The following DOCK1 variants were observed in gnomAD, a reference collection of about 807,000 sequenced individuals.
The protein encoded by DOCK1 is dedicator of cytokinesis 1, also known as dedicator of cytokinesis protein 1.
In DOCK1, 138 loss-of-function variants were observed where a neutral mutation model predicts 262.7. That is an observed-to-expected ratio of 0.53 (90% CI 0.46 to 0.61). The LOEUF is 0.61. Ranked by LOEUF, DOCK1 falls within the 20% of genes least tolerant of loss-of-function variation. The pLI is 0.00. For synonymous variants in DOCK1, 866 were observed against 867.4 expected, an observed-to-expected ratio of 1.00 and a Z score of 0.03; for missense variants, 1,908 against 2,370.7, an observed-to-expected ratio of 0.80 and a Z score of 4.05.
chr10:127,249,967 TC>T (rs2059569470), intron 28 of DOCK1, among the ~76,000 whole-genome samples: 1 of 152,244 alleles, frequency 6.6e-6, no homozygotes, highest in South Asian at 2.1e-4. Flanking sequence ...CCTGTTTATA[TC>T]CCATGACTCT....
intron 3 of DOCK1, 28 bp downstream of exon 3, chr10:126,978,016 A>G (rs1348231652): frequency 6.2e-7 from 1 of 1,606,040 alleles, no homozygotes; most frequent in Non-Finnish European, 8.5e-7. Flanking sequence ...AACACAGTGC[A>G]TGTCTCTTCA....
chr10:126,944,130 T>C (rs1228430005), intron 1 of DOCK1, among the ~76,000 whole-genome samples: 3 of 47,580 alleles, frequency 6.3e-5, no homozygotes, highest in Non-Finnish European at 8.2e-5. Flanking sequence ...TTGATGGTGG[T>C]GGGGGTGGGG....
At chr10:126,944,560 C>T (rs1017603699) in intron 1 of DOCK1, among the ~76,000 whole-genome samples, 4 of 151,968 alleles carry the variant, frequency 2.6e-5, no homozygotes, top group South Asian at 2.1e-4. Flanking sequence ...AGAACAACTG[C>T]GCAAAGGACT....
chr10:127,366,266 G>C (rs978417025), intron 33 of DOCK1, among the ~76,000 whole-genome samples: 2 of 152,044 alleles, frequency 1.3e-5, no homozygotes, highest in Non-Finnish European at 2.9e-5. Context: ...AATCCCTCTT[G>C]TATGTTAATC....
chr10:127,051,409 AT>A (rs2044714392), intron 21 of DOCK1, among the ~76,000 whole-genome samples: 1 of 152,152 alleles, frequency 6.6e-6, no homozygotes, highest in African/African-American at 2.4e-5. Flanking sequence ...ACTGCTTCCT[AT>A]TTGAAAGACC....
intron 29 of DOCK1, among the ~76,000 whole-genome samples, chr10:127,297,950 T>C (rs1479158943): frequency 6.6e-6 from 1 of 152,106 alleles, no homozygotes; most frequent in Admixed American, 6.5e-5. Flanking sequence ...ATTTCAAGGT[T>C]TTGTTTATAT....
chr10:127,097,993 C>T (rs778004458), intron 23 of DOCK1, among the ~76,000 whole-genome samples: 16 of 152,314 alleles, frequency 1.1e-4, no homozygotes, highest in Admixed American at 3.9e-4. Flanking sequence ...GGACATCCCA[C>T]GGACTTTGTC....
intron 27 of DOCK1, among the ~76,000 whole-genome samples, chr10:127,230,781 G>GTTTTTTT (rs921572730): frequency 6.6e-6 from 1 of 150,534 alleles, no homozygotes; most frequent in Non-Finnish European, 1.5e-5. Context: ...TTGTTTTTTT[G>GTTTTTTT]TTTTTTTGTT....
chr10:127,227,799 T>C (rs2134515758), intron 27 of DOCK1, among the ~76,000 whole-genome samples: 1 of 152,342 alleles, frequency 6.6e-6, no homozygotes, highest in Non-Finnish European at 1.5e-5. Context: ...CTTCTTTGAC[T>C]TTTGCCCCTT....
intron 29 of DOCK1, among the ~76,000 whole-genome samples, chr10:127,335,164 G>A (rs983494685): frequency 6.6e-6 from 1 of 152,148 alleles, no homozygotes; most frequent in South Asian, 2.1e-4. Context: ...TGGCACTGAG[G>A]ACACTTAGGT....
intron 1 of DOCK1, among the ~76,000 whole-genome samples, chr10:126,928,453 A>G (rs2033935596): frequency 6.6e-6 from 1 of 152,004 alleles, no homozygotes; most frequent in Non-Finnish European, 1.5e-5. Flanking sequence ...TTAATCCAGG[A>G]TGCCTGGTGT....
chr10:127,011,953 A>G (rs1257828531), intron 11 of DOCK1, among the ~76,000 whole-genome samples: 2 of 152,090 alleles, frequency 1.3e-5, no homozygotes, highest in Admixed American at 6.5e-5. Context: ...TTTTAAACAC[A>G]AGAGTCTGAT....
In DOCK1 at chr10:127,249,438, C is replaced by T. The variant is rs922692827; in HGVS notation, c.2949+1329C>T. Among the ~76,000 whole-genome samples the T allele has an allele frequency of 7.2e-3, 525 of 72,720 alleles. 3 individuals carry two copies. The highest frequency in any genetic ancestry group is 0.018 in the African/African-American group (486 of 27,018). 47.7% of individuals were successfully genotyped at this position (72,720 alleles called of 152,430 possible). ...ATACATGTACATATATATATACACA[C>T]ACACACACACACACACACACACACG... On this transcript the variant is annotated intron_variant, in intron 28 of 51. Transcript: ENST00000623213.
At chr10:127,286,577 A>C (rs115805683) in intron 29 of DOCK1, among the ~76,000 whole-genome samples, 1 of 152,294 alleles carries the variant, frequency 6.6e-6, no homozygotes, top group African/African-American at 2.4e-5. Flanking sequence ...ACCATAGCTA[A>C]GTTTCTTAGA....
At chr10:127,346,438 A>G (rs1156895048) in intron 31 of DOCK1, among the ~76,000 whole-genome samples, 1 of 152,148 alleles carries the variant, frequency 6.6e-6, no homozygotes, top group Non-Finnish European at 1.5e-5. Context: ...TCCACAAAAA[A>G]TACAAAAATT....
At chr10:127,123,876 G>A (rs985227958) in intron 25 of DOCK1, among the ~76,000 whole-genome samples, 18 of 152,188 alleles carry the variant, frequency 1.2e-4, no homozygotes, top group Non-Finnish European at 4.4e-5. Context: ...CTCTTAGCAC[G>A]TCATACATTT....
intron 27 of DOCK1, among the ~76,000 whole-genome samples, chr10:127,180,450 G>A (rs1047378872): frequency 6.6e-6 from 1 of 152,312 alleles, no homozygotes; most frequent in East Asian, 1.9e-4. Context: ...ATTGGACTGT[G>A]CTGTCTTGAG....
chr10:127,149,881 G>T (rs1396391839), intron 27 of DOCK1, among the ~76,000 whole-genome samples: 1 of 152,164 alleles, frequency 6.6e-6, no homozygotes, highest in Non-Finnish European at 1.5e-5. Context: ...TTGTAATGGT[G>T]GTGTAGGGAC....
chr10:127,170,442 C>T (rs1296189131), intron 27 of DOCK1, among the ~76,000 whole-genome samples: 1 of 152,202 alleles, frequency 6.6e-6, no homozygotes, highest in African/African-American at 2.4e-5. Flanking sequence ...TGATCATGTG[C>T]TTGATATCCT....
Sources: gnomAD v4.1 joint callset for allele counts (sites outside exome capture counted in the v4.1 genomes callset) on GRCh38, gnomAD v4.1.1 for gene constraint, MANE v1.5 for transcripts, NCBI Gene and HGNC (gene_info 2026-07-23, HGNC 2026-07-21) for gene names.